Variants in RGS6 observed in about 807,000 individuals in gnomAD.
The protein encoded by RGS6 is regulator of G-protein signaling 6.
A neutral mutation model predicts 78.5 loss-of-function variants in RGS6; 30 were observed. The observed-to-expected ratio is 0.38, with a 90% CI of 0.29 to 0.52. The LOEUF is 0.52. RGS6 is among the 20% of genes least tolerant of loss of function. RGS6 has a pLI of 0.85. For missense variants in RGS6, 495 were observed against 609.7 expected (o/e 0.81, Z 1.98); for synonymous variants, 206 against 206.0 (o/e 1.00, Z 0.00).
the RGS6 span, among the ~76,000 whole-genome samples, chr14:71,906,559 G>A: frequency 6.6e-6 from 1 of 152,150 alleles, no homozygotes; most frequent in Non-Finnish European, 1.5e-5. Flanking sequence ...AAACCTTTGA[G>A]TCTCTTCCCT....
At chr14:72,468,773 A>G (rs1021396995) in intron 7 of RGS6, among the ~76,000 whole-genome samples, 2 of 152,164 alleles carry the variant, frequency 1.3e-5, no homozygotes, top group Non-Finnish European at 2.9e-5. Flanking sequence ...ACTGTGTCAC[A>G]GTTGATTGAC....
chr14:72,352,135 G>A lies in RGS6; in HGVS notation c.125G>A (p.Gly42Glu). 1 of 1,613,376 alleles carries A rather than the reference G, an allele frequency of 6.2e-7. No homozygotes were observed. Among genetic ancestry groups the A allele is most frequent in the East Asian group, 2.2e-5 (1 of 44,842 alleles). The change falls in exon 3 of 18, where the codon GGG becomes GAG. Residue 42 changes from glycine to glutamate, a missense_variant. Physicochemically the swap from Gly to Glu is moderately conservative, Grantham distance 98. Coordinates refer to ENST00000553525, the MANE Select transcript of RGS6 (RefSeq NM_001204424.2). ...IITKMQDDKTGGVPIRTVKSF... is the reference protein window; with the variant it reads ...IITKMQDDKTEGVPIRTVKSF... ...ACAAAGATGCAAGATGACAAGACAG[G>A]GGGTGTGCCCATCAGAACAGTCAAG...
the RGS6 span, among the ~76,000 whole-genome samples, chr14:72,589,315 C>A: frequency 6.6e-6 from 1 of 152,140 alleles, no homozygotes; most frequent in African/African-American, 2.4e-5. Context: ...TTTGGGAGGC[C>A]AAGGCAGGTA....
intron 2 of RGS6, among the ~76,000 whole-genome samples, chr14:72,083,200 G>T (rs1327708751): frequency 1.3e-5 from 2 of 152,180 alleles, no homozygotes; most frequent in Non-Finnish European, 2.9e-5. Flanking sequence ...AGAAAGAATA[G>T]AATTCACGGG....
intron 3 of RGS6, among the ~76,000 whole-genome samples, chr14:72,438,516 T>G (rs1247221304): frequency 6.6e-6 from 1 of 152,134 alleles, no homozygotes; most frequent in Non-Finnish European, 1.5e-5. Flanking sequence ...TTTTCTCATC[T>G]CAGTTGATGT....
intron 1 of RGS6, among the ~76,000 whole-genome samples, chr14:71,962,279 GAGGGGGTGGCTGGGC>G (rs2093255558): frequency 6.6e-6 from 1 of 151,830 alleles, no homozygotes; most frequent in Admixed American, 6.6e-5. Context: ...CTGTTGGTGG[GAGGGGGTGGCTGGGC>G]AGAGGGAGGC....
At chr14:72,127,898 T>C (rs573962799) in intron 2 of RGS6, among the ~76,000 whole-genome samples, 4 of 152,158 alleles carry the variant, frequency 2.6e-5, no homozygotes, top group Non-Finnish European at 5.9e-5. Context: ...ACTTAAAGAA[T>C]GCCACATAAA....
chr14:72,537,403 C>T (rs1021692059), intron 16 of RGS6: 6 of 695,722 alleles, frequency 8.6e-6, no homozygotes, highest in South Asian at 4.5e-5. Context: ...ATAACCTGCT[C>T]TCCTGCCCTT....
intron 2 of RGS6, among the ~76,000 whole-genome samples, chr14:72,118,709 A>G (rs918755191): frequency 2.6e-5 from 4 of 152,270 alleles, no homozygotes; most frequent in Admixed American, 6.5e-5. Flanking sequence ...TGGCATGGCA[A>G]TGGATTTCAT....
intron 2 of RGS6, among the ~76,000 whole-genome samples, chr14:72,343,785 A>G (rs1293646615): frequency 6.6e-6 from 1 of 152,162 alleles, no homozygotes; most frequent in Non-Finnish European, 1.5e-5. Context: ...GCCTTGAACA[A>G]TTTACCGTTC....
intron 13 of RGS6, among the ~76,000 whole-genome samples, chr14:72,496,865 G>T (rs556638888): frequency 8.1e-4 from 124 of 152,148 alleles, no homozygotes; most frequent in African/African-American, 2.8e-3. Flanking sequence ...TATATATATA[G>T]TCCAATAATT....
At chr14:72,371,138 T>TTTTATTTAA (rs2083430631) in intron 3 of RGS6, among the ~76,000 whole-genome samples, 1 of 152,244 alleles carries the variant, frequency 6.6e-6, no homozygotes, top group African/African-American at 2.4e-5. Context: ...TTAACAAATG[T>TTTTATTTAA]AACTTCACTG....
chr14:72,114,883 A>G (rs879441309), intron 2 of RGS6, among the ~76,000 whole-genome samples: 3 of 152,240 alleles, frequency 2.0e-5, no homozygotes, highest in African/African-American at 4.8e-5. Context: ...AGAACAAACA[A>G]GTATGATAAA....
chr14:71,886,507 TTCTG>T, the RGS6 span, among the ~76,000 whole-genome samples: 4 of 152,206 alleles, frequency 2.6e-5, no homozygotes, highest in African/African-American at 9.7e-5. Context: ...TTTAGTAGTC[TTCTG>T]TCTAAGGTGT....
chr14:72,526,942 G>C (rs553388364), intron 15 of RGS6, among the ~76,000 whole-genome samples: 1 of 152,196 alleles, frequency 6.6e-6, no homozygotes, highest in African/African-American at 2.4e-5. Flanking sequence ...CCTAAGGTCT[G>C]AGGACCTTTG....
intron 13 of RGS6, 132 bp downstream of exon 13, chr14:72,495,394 C>T (rs2096631425): frequency 4.5e-6 from 3 of 659,746 alleles, no homozygotes; most frequent in Non-Finnish European, 8.3e-6. Context: ...AGTAGCCTCC[C>T]AGCTGAGTTC....
chr14:71,971,995 C>G (rs750597675), intron 2 of RGS6, among the ~76,000 whole-genome samples: 3 of 144,240 alleles, frequency 2.1e-5, no homozygotes, highest in Non-Finnish European at 3.0e-5. Flanking sequence ...GTTTTATAAC[C>G]TAATTTTGGA....
chr14:71,942,980 G>A (rs2090877304), intron 1 of RGS6, among the ~76,000 whole-genome samples: 1 of 152,244 alleles, frequency 6.6e-6, no homozygotes, highest in South Asian at 2.1e-4. Flanking sequence ...TCTGTCCATG[G>A]TAGAGTTCAC....
the RGS6 span, among the ~76,000 whole-genome samples, chr14:71,921,178 G>A: frequency 6.6e-6 from 1 of 152,094 alleles, no homozygotes; most frequent in Non-Finnish European, 1.5e-5. Context: ...TATTAGAATG[G>A]CTATCATTGA....
Sources: gnomAD v4.1 joint callset for allele counts (sites outside exome capture counted in the v4.1 genomes callset) on GRCh38, gnomAD v4.1.1 for gene constraint, MANE v1.5 for transcripts, NCBI Gene and HGNC (gene_info 2026-07-23, HGNC 2026-07-21) for gene names.